The following RBFOX1 variants were observed in gnomAD, a reference collection of about 807,000 sequenced individuals.
The protein encoded by RBFOX1 is RNA binding fox-1 homolog 1, also known as RNA binding protein fox-1 homolog 1.
A neutral mutation model predicts 57.7 loss-of-function variants in RBFOX1; 8 were observed. The observed-to-expected ratio is 0.14, with a 90% CI of 0.08 to 0.25. RBFOX1 has a LOEUF of 0.25. Ranked by LOEUF, RBFOX1 falls within the 10% of genes least tolerant of loss-of-function variation. The pLI is 1.00. For missense variants in RBFOX1, 611 were observed against 548.5 expected (o/e 1.11, Z -1.14); for synonymous variants, 326 against 222.4 (o/e 1.47, Z -4.15).
chr16:6,322,597 C>G (rs1043624875), intron 2 of RBFOX1, among the ~76,000 whole-genome samples: 52 of 152,080 alleles, frequency 3.4e-4, no homozygotes, highest in Non-Finnish European at 1.5e-4. Flanking sequence ...GAAGTTGACC[C>G]TATGATTATA....
At chr16:6,728,625 G>A (rs4786113) in intron 3 of RBFOX1, among the ~76,000 whole-genome samples, 106,898 of 152,116 alleles carry the variant, frequency 0.7, 38,771 homozygotes, top group Non-Finnish European at 0.8. Flanking sequence ...TATTGGAGCT[G>A]CCCCACGCTG....
At chr16:6,595,039 T>G (rs1053280424) in intron 2 of RBFOX1, among the ~76,000 whole-genome samples, 7 of 152,118 alleles carry the variant, frequency 4.6e-5, no homozygotes, top group African/African-American at 1.4e-4. Context: ...CACCCGCCTC[T>G]GCCTCCCAAA....
chr16:5,781,858 G>A (rs1312288015), intron 3 of RBFOX1, among the ~76,000 whole-genome samples: 1 of 152,186 alleles, frequency 6.6e-6, no homozygotes, highest in African/African-American at 2.4e-5. Flanking sequence ...TGAAGAGATT[G>A]TCTTAGTCCA....
chr16:6,574,611 G>A (rs1215976830), intron 2 of RBFOX1, among the ~76,000 whole-genome samples: 3 of 148,992 alleles, frequency 2.0e-5, no homozygotes, highest in Admixed American at 1.3e-4. Context: ...TGTATTTTTA[G>A]TAGAGACGGG....
chr16:5,767,286 G>A (rs2053817318), intron 3 of RBFOX1, among the ~76,000 whole-genome samples: 1 of 152,200 alleles, frequency 6.6e-6, no homozygotes, highest in South Asian at 2.1e-4. Flanking sequence ...ATGAGGCGGA[G>A]AGCTGCTCAT....
At chr16:5,819,755 C>G (rs944725731) in intron 3 of RBFOX1, among the ~76,000 whole-genome samples, 11 of 152,230 alleles carry the variant, frequency 7.2e-5, no homozygotes, top group Admixed American at 5.2e-4. Flanking sequence ...TAAGACATGG[C>G]TTTAGTTTCT....
At chr16:5,983,789 C>T (rs1044151186) in intron 4 of RBFOX1, among the ~76,000 whole-genome samples, 1 of 151,888 alleles carries the variant, frequency 6.6e-6, no homozygotes, top group African/African-American at 2.4e-5. Context: ...TTTAACAGGG[C>T]CAGGCTGTCG....
chr16:6,660,950 T>C (rs142675051), intron 3 of RBFOX1, among the ~76,000 whole-genome samples: 1 of 151,854 alleles, frequency 6.6e-6, no homozygotes, highest in Non-Finnish European at 1.5e-5. Flanking sequence ...GAAATACAAA[T>C]GCACCTGCCT....
chr16:6,743,326 A>G (rs761955077), intron 3 of RBFOX1, among the ~76,000 whole-genome samples: 1 of 152,224 alleles, frequency 6.6e-6, no homozygotes, highest in Non-Finnish European at 1.5e-5. Flanking sequence ...AATTCTGTCA[A>G]TCACATTAAA....
intron 3 of RBFOX1, among the ~76,000 whole-genome samples, chr16:5,713,467 T>C (rs772850474): frequency 3.7e-4 from 56 of 152,200 alleles, no homozygotes; most frequent in Non-Finnish European, 6.3e-4. Context: ...CTGTCTGAGC[T>C]AATCTGGGCT....
At chr16:5,375,163 T>G (rs2065953857) in intron 1 of RBFOX1, among the ~76,000 whole-genome samples, 1 of 150,258 alleles carries the variant, frequency 6.7e-6, no homozygotes, top group Non-Finnish European at 1.5e-5. Context: ...TAAACCGATC[T>G]CTTCGAGGGA....
At chr16:6,133,655 T>C (rs1036756906) in intron 1 of RBFOX1, among the ~76,000 whole-genome samples, 1 of 152,222 alleles carries the variant, frequency 6.6e-6, no homozygotes, top group Non-Finnish European at 1.5e-5. Flanking sequence ...GCTCTTTGAA[T>C]AAAGGCCCAA....
At chr16:6,780,261 ATATT>A (rs1219316970) in intron 3 of RBFOX1, among the ~76,000 whole-genome samples, 10 of 81,438 alleles carry the variant, frequency 1.2e-4, no homozygotes, top group Admixed American at 7.0e-4. Flanking sequence ...ATTTATATAT[ATATT>A]TATACATATA....
chr16:7,026,530 C>A (rs1014149923), intron 3 of RBFOX1, among the ~76,000 whole-genome samples: 5 of 152,070 alleles, frequency 3.3e-5, no homozygotes, highest in Non-Finnish European at 7.4e-5. Flanking sequence ...CTCTCACACA[C>A]ATACACAATC....
chr16:6,422,068 G>C (rs114863549), intron 2 of RBFOX1, among the ~76,000 whole-genome samples: 2,059 of 151,466 alleles, frequency 0.014, 47 homozygotes, highest in African/African-American at 0.046. Context: ...TTACAGGTAA[G>C]TACCACCACG....
Position 5,499,931 on chromosome 16 carries a change from T to G in RBFOX1, c.258+32677T>G, listed in dbSNP as rs1216818354. Among the ~76,000 whole-genome samples the G allele has an allele frequency of 3.3e-5, 5 of 152,186 alleles. No homozygotes were observed. In the East Asian group the frequency reaches 9.6e-4, roughly 29 times the overall value. On this transcript the variant is annotated intron_variant, in intron 2 of 2. Coordinates refer to the RBFOX1 transcript ENST00000585867. ...TCCTGATGGCCACTCAACATTTCAA[T>G]TTTTCATTCAGCAGATATTTATTTC... is the stretch of plus-strand genomic sequence containing the variant.
intron 3 of RBFOX1, among the ~76,000 whole-genome samples, chr16:6,888,001 G>T (rs1390552531): frequency 6.6e-6 from 1 of 151,948 alleles, no homozygotes; most frequent in Non-Finnish European, 1.5e-5. Context: ...ATTCTGTTTG[G>T]GGTTTTTGTT....
chr16:6,797,393 A>G (rs533330922), intron 3 of RBFOX1, among the ~76,000 whole-genome samples: 1 of 152,160 alleles, frequency 6.6e-6, no homozygotes, highest in South Asian at 2.1e-4. Context: ...GTCGAAAGAG[A>G]GAGCGAGAGA....
chr16:6,598,284 G>A (rs961315117), intron 2 of RBFOX1, among the ~76,000 whole-genome samples: 1 of 151,898 alleles, frequency 6.6e-6, no homozygotes, highest in Non-Finnish European at 1.5e-5. Flanking sequence ...TTCTTGTCAG[G>A]ATCTAAAATT....
Sources: gnomAD v4.1 joint callset for allele counts (sites outside exome capture counted in the v4.1 genomes callset) on GRCh38, gnomAD v4.1.1 for gene constraint, MANE v1.5 for transcripts, NCBI Gene and HGNC (gene_info 2026-07-23, HGNC 2026-07-21) for gene names.